PIK3R3: variants seen among roughly 807,000 people sequenced by gnomAD.
PIK3R3 encodes phosphatidylinositol 3-kinase regulatory subunit gamma.
Under a neutral mutation model 62.9 loss-of-function variants are expected in PIK3R3, and 64 were observed. That is an observed-to-expected ratio of 1.02 (90% CI 0.83 to 1.25). The LOEUF (loss-of-function observed/expected upper bound fraction) is 1.25, where lower values mean the gene tolerates loss of function less well. Among genes scored for constraint, PIK3R3 ranks in the 50% most tolerant of loss-of-function variants. The probability of loss-of-function intolerance (pLI) is 0.00; values close to 1 mark genes in which losing one functional copy is unlikely to be tolerated. For synonymous variants in PIK3R3, 165 were observed against 189.0 expected, an observed-to-expected ratio of 0.87 and a Z score of 1.04; for missense variants, 614 against 561.6, an observed-to-expected ratio of 1.09 and a Z score of -0.94.
chr1:46,047,791 G>GT (rs1052249698), intron 7 of PIK3R3, among the ~76,000 whole-genome samples: 6 of 151,876 alleles, frequency 4.0e-5, no homozygotes, highest in East Asian at 1.9e-4. Context: ...GTTGGTTGGG[G>GT]TTTTTTTGAG....
intron 7 of PIK3R3, among the ~76,000 whole-genome samples, chr1:46,054,397 CAAAAAAAAAAA>C (rs10649671): frequency 2.5e-5 from 2 of 80,048 alleles, no homozygotes; most frequent in Non-Finnish European, 4.6e-5. Context: ...CTCCGCCTCA[CAAAAAAAAAAA>C]AAAAAAAAAA....
At chr1:46,056,081 C>T (rs112133374) in intron 6 of PIK3R3, 110 bp from the exon 7 acceptor site, 7 of 655,790 alleles carry the variant, frequency 1.1e-5, no homozygotes, top group African/African-American at 9.5e-5. Context: ...GATTGAGTCT[C>T]GCTCTGTCAC....
At chr1:46,123,366 C>T (rs1476189734) in intron 1 of PIK3R3, among the ~76,000 whole-genome samples, 1 of 151,982 alleles carries the variant, frequency 6.6e-6, no homozygotes, top group African/African-American at 2.4e-5. Flanking sequence ...TAGGAATGAG[C>T]AATCAGGGTA....
the PIK3R3 span, among the ~76,000 whole-genome samples, chr1:46,146,531 G>C: frequency 1.3e-5 from 2 of 152,092 alleles, no homozygotes; most frequent in Admixed American, 1.3e-4. Context: ...CTCCAAAATG[G>C]GAAAGGTGTT....
At position 46,044,587 on chromosome 1, in the gene PIK3R3, A is replaced by G. The variant is rs1647062663; in HGVS notation, c.1188-716T>C. 6.6e-6 allele frequency among the ~76,000 whole-genome samples: 1 copy of G among 152,192 alleles called. No homozygotes were observed. Among genetic ancestry groups the G allele is most frequent in the South Asian group, 2.1e-4 (1 of 4,832 alleles). On this transcript the variant is annotated intron_variant, in intron 9 of 9. Coordinates refer to ENST00000262741, the MANE Select transcript of PIK3R3 (RefSeq NM_003629.4). The surrounding 1 kb of genome is among the most constrained non-coding windows in gnomAD (Gnocchi z 4.2). ...ACAGCCCAAGTCAAGGAGAAATGAA[A>G]TGTTGCAAGTAGTTCTATCCTTGGA...
the PIK3R3 span, among the ~76,000 whole-genome samples, chr1:46,165,928 AC>A: frequency 1.3e-5 from 2 of 150,352 alleles, no homozygotes; most frequent in African/African-American, 4.9e-5. Context: ...CCGCCACCGC[AC>A]CCGGCTAATT....
rs1647071891 is a variant in PIK3R3 at position 46,044,973 on chromosome 1, A to G, written c.1187+945T>C. On this transcript the variant is annotated intron_variant, in intron 9 of 9. Coordinates refer to ENST00000262741, the MANE Select transcript of PIK3R3 (RefSeq NM_003629.4). The surrounding 1 kb of genome is among the most constrained non-coding windows in gnomAD (Gnocchi z 4.2). ...CTGTTAATATGAATGCCTTTCGCCTACCTTCTCCACCTTGCCCTCTAAGGG... is the reference window on the plus strand; with the variant it reads ...CTGTTAATATGAATGCCTTTCGCCTGCCTTCTCCACCTTGCCCTCTAAGGG... Among the ~76,000 whole-genome samples the G allele has an allele frequency of 6.6e-6, 1 of 152,232 alleles. No homozygotes were observed. Among genetic ancestry groups the G allele is most frequent in the African/African-American group, 2.4e-5 (1 of 41,468 alleles).
At chr1:46,156,394 G>A in the PIK3R3 span, among the ~76,000 whole-genome samples, 1 of 151,242 alleles carries the variant, frequency 6.6e-6, no homozygotes, top group African/African-American at 2.4e-5. Flanking sequence ...TGGAGACGGA[G>A]GTTCCAGTGA....
intron 4 of PIK3R3, 140 bp downstream of exon 4, chr1:46,066,771 A>T (rs1649030505): frequency 2.7e-6 from 2 of 737,846 alleles, no homozygotes; most frequent in Non-Finnish European, 4.6e-6. Context: ...AGCCTGGGCA[A>T]CAGAGACCCT....
At chr1:46,167,766 C>T in the PIK3R3 span, among the ~76,000 whole-genome samples, 2 of 152,236 alleles carry the variant, frequency 1.3e-5, no homozygotes, top group African/African-American at 4.8e-5. Flanking sequence ...CCAATCAGTG[C>T]CCGCTCTGGG....
intron 1 of PIK3R3, among the ~76,000 whole-genome samples, chr1:46,129,665 C>T (rs529574322): frequency 1.3e-5 from 2 of 152,232 alleles, no homozygotes; most frequent in East Asian, 1.9e-4. Context: ...GCAACCACTT[C>T]ACTAATGATA....
At chr1:46,130,212 T>G (rs1003918345) in intron 1 of PIK3R3, among the ~76,000 whole-genome samples, 6 of 152,202 alleles carry the variant, frequency 3.9e-5, no homozygotes, top group Admixed American at 3.9e-4. Flanking sequence ...AGTATAATTC[T>G]AAGGCAGTTT....
At chr1:46,169,825 T>C in the PIK3R3 span, among the ~76,000 whole-genome samples, 2 of 152,230 alleles carry the variant, frequency 1.3e-5, no homozygotes, top group African/African-American at 4.8e-5. Flanking sequence ...GAGTTTGCAG[T>C]AGTTTCCCAG....
intron 3 of PIK3R3, among the ~76,000 whole-genome samples, chr1:46,077,173 A>T (rs961631084): frequency 1.3e-5 from 2 of 152,244 alleles, no homozygotes; most frequent in African/African-American, 4.8e-5. Flanking sequence ...ATTAAGGAAG[A>T]TAATAGGGTT....
Position 46,077,619 on chromosome 1 carries a change from G to A in PIK3R3, c.216-6C>T. 4 of 1,571,892 alleles carry A rather than the reference G, an allele frequency of 2.5e-6. No homozygotes were observed. The highest frequency in any genetic ancestry group is 3.5e-6 in the Non-Finnish European group (4 of 1,141,860). The stretch of plus-strand genomic sequence containing the variant: ...ATTTGTCATTTACCTCCTCCCTGAA[G>A]AACAGAATTATAAGAAAAATGAAAA... On this transcript the variant is annotated splice_region_variant and splice_polypyrimidine_tract_variant and intron_variant, in intron 2 of 9. Transcript: ENST00000262741.
At chr1:46,170,411 GTGTT>G in the PIK3R3 span, among the ~76,000 whole-genome samples, 180 of 152,080 alleles carry the variant, frequency 1.2e-3, 4 homozygotes, top group East Asian at 0.02. Context: ...GTCTGGTTTG[GTGTT>G]TGTTTGTTTG....
intron 1 of PIK3R3, among the ~76,000 whole-genome samples, chr1:46,112,867 T>C (rs1364345361): frequency 6.6e-6 from 1 of 152,132 alleles, no homozygotes; most frequent in African/African-American, 2.4e-5. Flanking sequence ...GGCCATATAA[T>C]CCAAATCTGT....
At chr1:46,173,108 G>T in the PIK3R3 span, among the ~76,000 whole-genome samples, 2 of 152,204 alleles carry the variant, frequency 1.3e-5, no homozygotes, top group Non-Finnish European at 2.9e-5. Context: ...CACAGCCTAG[G>T]GTGTGAGAAG....
intron 1 of PIK3R3, among the ~76,000 whole-genome samples, chr1:46,108,190 A>G (rs1310267826): frequency 6.6e-6 from 1 of 152,240 alleles, no homozygotes; most frequent in Non-Finnish European, 1.5e-5. Flanking sequence ...AAGTACTTTT[A>G]TAAACTCTTC....
Sources: gnomAD v4.1 joint callset for allele counts (sites outside exome capture counted in the v4.1 genomes callset) on GRCh38, gnomAD v4.1.1 for gene constraint, Gnocchi (gnomAD v3.1) non-coding constraint, MANE v1.5 for transcripts, NCBI Gene and HGNC (gene_info 2026-07-23, HGNC 2026-07-21) for gene names.